Variants in BAHCC1 observed in about 807,000 individuals in gnomAD.
BAHCC1 encodes the protein BAH and coiled-coil domain-containing protein 1.
Under a neutral mutation model 88.2 loss-of-function variants are expected in BAHCC1, and 43 were observed. The observed-to-expected ratio is 0.49, with a 90% CI of 0.38 to 0.63. BAHCC1 has a LOEUF of 0.63. Ranked by LOEUF, BAHCC1 falls within the 20% of genes least tolerant of loss-of-function variation. The pLI, the probability that BAHCC1 is intolerant of heterozygous loss-of-function variation, is 0.00. For missense variants in BAHCC1, 3,023 were observed against 1,654.8 expected (o/e 1.83, Z -14.34); for synonymous variants, 1,510 against 745.5 (o/e 2.03, Z -16.71).
chr17:81,452,142 CGCAGCACCCCCACCCCCGGGAGGCG>C, intron 13 of BAHCC1, 35 bp downstream of exon 13: 1 of 235,600 alleles, frequency 4.2e-6, no homozygotes, highest in Non-Finnish European at 7.9e-6. Flanking sequence ...CTGGGAGGGT[CGCAGCACCCCCACCCCCGGGAGGCG>C]CCCACAGTGC....
intron 10 of BAHCC1, 47 bp downstream of exon 10, chr17:81,445,728 C>T (rs782242275): frequency 6.5e-5 from 46 of 702,666 alleles, no homozygotes; most frequent in Non-Finnish European, 4.2e-5. Flanking sequence ...GCTCCAAGCC[C>T]TCCCACCCCT....
chr17:81,459,612 G>A lies in BAHCC1; in HGVS notation c.5905+8G>A, dbSNP rs782623138. ...CGGGCAACGTGGTCCGGGGTAAGTT[G>A]CACCCAAAGCGGGGGCTGGGGCAGG... On this transcript the variant is annotated splice_region_variant and intron_variant, in intron 23 of 27. Transcript: ENST00000675386. 8 of 779,446 alleles carry A rather than the reference G, an allele frequency of 1.0e-5. No homozygotes were observed. The highest frequency in any genetic ancestry group is 8.5e-5 in the African/African-American group (5 of 59,144). 48.3% of individuals were successfully genotyped at this position (779,446 alleles called of 1,614,324 possible). A position where few individuals can be genotyped will look rare whatever the true frequency, so the allele number is the denominator to read the frequency against.
chr17:81,431,623 T>C (rs879140818), intron 3 of BAHCC1, among the ~76,000 whole-genome samples: 1 of 152,082 alleles, frequency 6.6e-6, no homozygotes, highest in South Asian at 2.1e-4. Context: ...AGCCCTGGCT[T>C]GAGGTTGGGC....
chr17:81,462,484 T>C, intron 26 of BAHCC1: 1 of 544,716 alleles, frequency 1.8e-6, no homozygotes, highest in Non-Finnish European at 3.2e-6. Context: ...CTTGTCCACA[T>C]GTCCCTGTCC....
chr17:81,417,167 G>A (rs925757797), intron 2 of BAHCC1, among the ~76,000 whole-genome samples: 3 of 152,184 alleles, frequency 2.0e-5, no homozygotes, highest in Non-Finnish European at 2.9e-5. Context: ...GTGTGCCCCT[G>A]ACATCTTCAC....
rs1555645564 is a variant in BAHCC1 at position 81,399,505 on chromosome 17, C to T, written c.-206-29C>T. 1 of 310,776 alleles carries T rather than the reference C, an allele frequency of 3.2e-6. No individual in the cohort carries two copies. Among genetic ancestry groups the T allele is most frequent in the Admixed American group, 3.7e-5 (1 of 26,924 alleles). 19.3% of individuals were successfully genotyped at this position (310,776 alleles called of 1,614,324 possible). A position where few individuals can be genotyped will look rare whatever the true frequency, so the allele number is the denominator to read the frequency against. On this transcript the variant is annotated intron_variant, in intron 1 of 27. Transcript: ENST00000675386. This position sits in a 1 kb window ranked among gnomAD's most constrained non-coding sequence, Gnocchi z 4.5. ...CGGGCGAGCCGAGCCCCCCAGTCAC[C>T]CGTGTCTCCTCTGCTTTTGCCTCCA...
At chr17:81,445,324 C>G (rs1555654007) in intron 9 of BAHCC1, 30 bp from the exon 10 acceptor site, 1 of 755,474 alleles carries the variant, frequency 1.3e-6, no homozygotes, top group Non-Finnish European at 2.5e-6. Context: ...GGATCCTGAG[C>G]CTGACCGAGC....
rs569151852 is a variant in BAHCC1, at chr17:81,442,953, C to G, written c.1604C>G (p.Pro535Arg). Residue 535 changes from proline (P) to arginine (R), a missense_variant, in exon 5 of 28, where the codon CCC (proline) becomes CGC (arginine). Coordinates refer to ENST00000675386, the MANE Select transcript of BAHCC1 (RefSeq NM_001377448.1). ...KTVGKEAPAG[P>R]PGAQKVARIR... is the part of the protein sequence containing the mutation. ...GTTGGCAAGGAAGCCCCGGCCGGCC[C>G]CCCAGGGGCACAGAAGGTGGCCCGC... The G allele has an allele frequency of 2.6e-6, 2 of 779,030 alleles. No homozygotes were observed. The highest frequency in any genetic ancestry group is 4.8e-6 in the Non-Finnish European group (2 of 417,864). The allele number at this position is 779,030 out of a possible 1,614,324, so 48.3% of individuals were successfully genotyped here. A position where few individuals can be genotyped will look rare whatever the true frequency, so the allele number is the denominator to read the frequency against.
At position 81,442,449 on chromosome 17, in the gene BAHCC1, T is replaced by C; in HGVS notation, c.1100T>C (p.Leu367Pro). Reference protein sequence around the residue: ...LSTAAGSFPCLQLHGGPDGLC... With the variant: ...LSTAAGSFPCPQLHGGPDGLC... ...ACAGCCGCCGGCTCCTTCCCCTGCC[T>C]GCAGCTGCACGGGGGCCCTGACGGG... is the stretch of plus-strand genomic sequence containing the variant. The change falls in exon 5 of 28, where the codon CTG becomes CCG. Residue 367 changes from leucine to proline, a missense_variant. Transcript: ENST00000675386. 1 of 712,736 alleles carries C rather than the reference T, an allele frequency of 1.4e-6. No individual in the cohort carries two copies. The highest frequency in any genetic ancestry group is 2.6e-6 in the Non-Finnish European group (1 of 384,464). The allele number at this position is 712,736 out of a possible 1,614,324, so 44.2% of individuals were successfully genotyped here. A position where few individuals can be genotyped will look rare whatever the true frequency, so the allele number is the denominator to read the frequency against.
chr17:81,398,283 C>T (rs1263335879), intron 1 of BAHCC1, among the ~76,000 whole-genome samples: 1 of 152,220 alleles, frequency 6.6e-6, no homozygotes. Flanking sequence ...GGCTCCGACC[C>T]TCCGCACCCA....
At position 81,438,390 on chromosome 17, in the gene BAHCC1, T is replaced by C. The variant is rs1555652032; in HGVS notation, c.379T>C (p.Ser127Pro). ...SHEAPGYPRF[S>P]GSLASTFLPV... ...TCTAGCTCCGGGGTACCCCAGATTTTCGGGGAGTCTGGCATCCACCTTCCT... is the reference window on the plus strand; with the variant it reads ...TCTAGCTCCGGGGTACCCCAGATTTCCGGGGAGTCTGGCATCCACCTTCCT... The change falls in exon 4 of 28, where the codon TCG becomes CCG. Residue 127 changes from serine to proline, a missense_variant. Physicochemically the swap from Ser to Pro is moderately conservative, Grantham distance 74. Coordinates refer to ENST00000675386, the MANE Select transcript of BAHCC1 (RefSeq NM_001377448.1). 2 of 778,616 alleles carry C rather than the reference T, an allele frequency of 2.6e-6. No homozygotes were observed. Among genetic ancestry groups the C allele is most frequent in the East Asian group, 4.8e-5 (2 of 41,240 alleles). 48.2% of individuals were successfully genotyped at this position (778,616 alleles called of 1,614,324 possible). A position where few individuals can be genotyped will look rare whatever the true frequency, so the allele number is the denominator to read the frequency against.
At chr17:81,448,659 G>A (rs1190326834) in intron 11 of BAHCC1, among the ~76,000 whole-genome samples, 5 of 152,248 alleles carry the variant, frequency 3.3e-5, no homozygotes, top group South Asian at 2.1e-4. Flanking sequence ...TCACCACCGC[G>A]ATGAAGAGAA....
At chr17:81,410,584 C>T (rs1009275824) in intron 2 of BAHCC1, among the ~76,000 whole-genome samples, 1 of 152,192 alleles carries the variant, frequency 6.6e-6, no homozygotes, top group East Asian at 1.9e-4. Flanking sequence ...TGAGGCACCA[C>T]GGGTCGAGGC....
At chr17:81,456,694 T>C in intron 16 of BAHCC1, 109 bp downstream of exon 16, 1 of 611,812 alleles carries the variant, frequency 1.6e-6, no homozygotes, top group Non-Finnish European at 2.9e-6. Flanking sequence ...GGGTCATGGC[T>C]TGTGGGGTGT....
intron 11 of BAHCC1, among the ~76,000 whole-genome samples, chr17:81,450,104 G>C (rs1020930304): frequency 7.2e-5 from 11 of 152,180 alleles, no homozygotes; most frequent in African/African-American, 2.7e-4. Flanking sequence ...CTGAGGCAGA[G>C]ACTAGGTTTG....
intron 2 of BAHCC1, among the ~76,000 whole-genome samples, chr17:81,414,459 C>T (rs1469540851): frequency 6.6e-6 from 1 of 152,204 alleles, no homozygotes; most frequent in Non-Finnish European, 1.5e-5. Flanking sequence ...CTCACCAGGG[C>T]CTTTTCTCCC....
At chr17:81,407,266 G>T in intron 2 of BAHCC1, 1 of 506,892 alleles carries the variant, frequency 2.0e-6, no homozygotes. Flanking sequence ...CCCTGAAGCG[G>T]AGGGTGACAT....
chr17:81,438,259 C>T (rs576844516), intron 3 of BAHCC1, 111 bp from the exon 4 acceptor site: 15 of 703,270 alleles, frequency 2.1e-5, no homozygotes, highest in African/African-American at 5.2e-5. Flanking sequence ...CTGGGCTCTG[C>T]GGGACATCGC....
intron 2 of BAHCC1, among the ~76,000 whole-genome samples, chr17:81,422,312 C>T (rs1372338683): frequency 6.6e-6 from 1 of 152,344 alleles, no homozygotes; most frequent in Non-Finnish European, 1.5e-5. Flanking sequence ...TGTCTGGTCT[C>T]TCTTGTGCTT....
Sources: gnomAD v4.1 joint callset for allele counts (sites outside exome capture counted in the v4.1 genomes callset) on GRCh38, gnomAD v4.1.1 for gene constraint, Gnocchi (gnomAD v3.1) non-coding constraint, MANE v1.5 for transcripts, NCBI Gene and HGNC (gene_info 2026-07-23, HGNC 2026-07-21) for gene names.